Variants in DACH2 observed in about 807,000 individuals in gnomAD.
DACH2 encodes the protein dachshund family transcription factor 2, also known as dachshund homolog 2.
In DACH2, 17 loss-of-function variants were observed where a neutral mutation model predicts 35.8. The observed-to-expected ratio is 0.48, with a 90% CI of 0.33 to 0.71. DACH2 has a LOEUF of 0.71. Ranked by LOEUF, DACH2 falls within the 30% of genes least tolerant of loss-of-function variation. The pLI, the probability that DACH2 is intolerant of heterozygous loss-of-function variation, is 0.02. For missense variants in DACH2, 469 were observed against 472.7 expected, an observed-to-expected ratio of 0.99 and a Z score of 0.07; for synonymous variants, 195 against 177.3, an observed-to-expected ratio of 1.10 and a Z score of -0.79.
chrX:86,255,171 A>C (rs1168085637), intron 1 of DACH2, among the ~76,000 whole-genome samples: 1 of 111,143 alleles, frequency 9.0e-6, no homozygotes, highest in Admixed American at 9.7e-5. Context: ...GACAAGGAAA[A>C]GATGAAAACA....
intron 11 of DACH2, chrX:86,829,783 C>G (rs931439267): frequency 1.8e-5 from 2 of 112,217 alleles, no homozygotes; most frequent in African/African-American, 6.5e-5. Context: ...TTGTATGTAT[C>G]AAATTCCCCT....
At chrX:86,250,012 G>C (rs1392418432) in intron 1 of DACH2, among the ~76,000 whole-genome samples, 1 of 110,777 alleles carries the variant, frequency 9.0e-6, no homozygotes, top group African/African-American at 3.3e-5. Context: ...AATACATATG[G>C]ACACAAAGAA....
chrX:86,261,457 T>G (rs188062765), intron 1 of DACH2, among the ~76,000 whole-genome samples: 37 of 112,204 alleles, frequency 3.3e-4, no homozygotes, highest in African/African-American at 1.1e-3. Context: ...CCTTTTTCTC[T>G]TTATCTTTTC....
intron 3 of DACH2, among the ~76,000 whole-genome samples, chrX:86,643,109 A>G (rs1328351142): frequency 9.1e-6 from 1 of 109,651 alleles, no homozygotes; most frequent in African/African-American, 3.3e-5. Flanking sequence ...CAAAAATCAG[A>G]GCTGAACTGA....
chrX:86,633,011 T>G (rs190548773), intron 3 of DACH2, among the ~76,000 whole-genome samples: 1 of 109,111 alleles, frequency 9.2e-6, no homozygotes, highest in East Asian at 2.9e-4. Flanking sequence ...AACCAAATGT[T>G]GCACCTCAAG....
intron 1 of DACH2, among the ~76,000 whole-genome samples, chrX:86,372,862 T>C (rs2035908775): frequency 9.0e-6 from 1 of 111,039 alleles, no homozygotes; most frequent in African/African-American, 3.3e-5. Context: ...TGTCTATTGT[T>C]GACATCTTTA....
chrX:86,525,338 G>A (rs1025207532), intron 3 of DACH2, among the ~76,000 whole-genome samples: 9 of 111,770 alleles, frequency 8.1e-5, no homozygotes, highest in African/African-American at 6.5e-5. Context: ...TTTATCTGTC[G>A]TTGATCATAT....
At chrX:86,165,206 A>T (rs948005219) in intron 1 of DACH2, among the ~76,000 whole-genome samples, 18 of 111,207 alleles carry the variant, frequency 1.6e-4, no homozygotes, top group Non-Finnish European at 1.1e-4. Context: ...ATTGTGTACC[A>T]CATTTTCTTT....
chrX:86,817,422 G>T (rs2042464887), intron 11 of DACH2, among the ~76,000 whole-genome samples: 1 of 111,178 alleles, frequency 9.0e-6, no homozygotes, highest in African/African-American at 3.3e-5. Context: ...CAGCTCCATG[G>T]TAGAGATGAA....
chrX:86,697,147 C>T (rs1215485227), intron 5 of DACH2, among the ~76,000 whole-genome samples: 1 of 111,646 alleles, frequency 9.0e-6, no homozygotes, highest in Admixed American at 9.5e-5. Context: ...GATACAGGCT[C>T]ACTAAGGGAC....
chrX:86,160,245 G>C, intron 1 of DACH2: 1 of 1,196,904 alleles, frequency 8.4e-7, no homozygotes. Context: ...TTAGCCTTCT[G>C]AGCTTTCTGG....
intron 1 of DACH2, among the ~76,000 whole-genome samples, chrX:86,320,299 C>T (rs193233373): frequency 3.5e-4 from 39 of 112,380 alleles, no homozygotes; most frequent in Non-Finnish European, 1.3e-4. Flanking sequence ...TATCCACTTT[C>T]AATTAAGCTG....
At chrX:86,332,297 A>G (rs1230955710) in intron 1 of DACH2, among the ~76,000 whole-genome samples, 1 of 111,665 alleles carries the variant, frequency 9.0e-6, no homozygotes, top group Non-Finnish European at 1.9e-5. Context: ...TGCCCAGTTA[A>G]TAAATACTAC....
intron 2 of DACH2, among the ~76,000 whole-genome samples, chrX:86,389,243 C>A (rs1002003448): frequency 8.9e-6 from 1 of 111,978 alleles, no homozygotes; most frequent in African/African-American, 3.2e-5. Context: ...AATTTTGCAA[C>A]TTTATTAGGT....
intron 5 of DACH2, among the ~76,000 whole-genome samples, chrX:86,697,927 G>T (rs942140904): frequency 1.5e-4 from 17 of 111,478 alleles, no homozygotes; most frequent in African/African-American, 5.5e-4. Context: ...AAATAACAAT[G>T]ACTGAGAGTT....
chrX:86,388,030 A>C (rs1472381128), intron 2 of DACH2, among the ~76,000 whole-genome samples: 1 of 112,157 alleles, frequency 8.9e-6, no homozygotes, highest in Non-Finnish European at 1.9e-5. Flanking sequence ...CTTCAAGCTG[A>C]CCAGATTTTC....
At chrX:86,295,087 G>A (rs2034417141) in intron 1 of DACH2, among the ~76,000 whole-genome samples, 1 of 112,651 alleles carries the variant, frequency 8.9e-6, no homozygotes, top group African/African-American at 3.2e-5. Flanking sequence ...CGTGGGCGTA[G>A]GACCCTCCGA....
chrX:86,168,459 G>A (rs778981885), intron 1 of DACH2, among the ~76,000 whole-genome samples: 2 of 110,666 alleles, frequency 1.8e-5, no homozygotes, highest in Non-Finnish European at 3.8e-5. Context: ...TGTGGGCAAC[G>A]GATCAATGGG....
chrX:86,399,396 T>C (rs1314005450), intron 2 of DACH2, among the ~76,000 whole-genome samples: 2 of 111,887 alleles, frequency 1.8e-5, no homozygotes, highest in African/African-American at 6.5e-5. Context: ...AGGTTAGTAC[T>C]GTTATGTGTG....
Sources: gnomAD v4.1 joint callset for allele counts (sites outside exome capture counted in the v4.1 genomes callset) on GRCh38, gnomAD v4.1.1 for gene constraint, MANE v1.5 for transcripts, NCBI Gene and HGNC (gene_info 2026-07-23, HGNC 2026-07-21) for gene names.